Variants in GPC6 observed in about 807,000 individuals in gnomAD.
GPC6 encodes the protein glypican 6.
A neutral mutation model predicts 55.2 loss-of-function variants in GPC6; 14 were observed. The observed-to-expected ratio is 0.25, with a 90% CI of 0.17 to 0.40. GPC6 has a LOEUF of 0.40. Ranked by LOEUF, GPC6 falls within the 10% of genes least tolerant of loss-of-function variation. GPC6 has a pLI of 1.00. For missense variants in GPC6, 641 were observed against 708.5 expected, an observed-to-expected ratio of 0.90 and a Z score of 1.08; for synonymous variants, 278 against 259.6, an observed-to-expected ratio of 1.07 and a Z score of -0.68.
intron 3 of GPC6, among the ~76,000 whole-genome samples, chr13:93,968,746 G>A (rs984780198): frequency 6.6e-6 from 1 of 151,900 alleles, no homozygotes; most frequent in African/African-American, 2.4e-5. Context: ...TAATGAACTG[G>A]GATTATGGAA....
At chr13:94,081,632 A>G (rs1885097777) in intron 4 of GPC6, among the ~76,000 whole-genome samples, 1 of 152,170 alleles carries the variant, frequency 6.6e-6, no homozygotes, top group African/African-American at 2.4e-5. Context: ...ATGTAGGCAA[A>G]GTTGACATTG....
At chr13:93,281,988 A>AG (rs1189276418) in intron 1 of GPC6, among the ~76,000 whole-genome samples, 2 of 152,186 alleles carry the variant, frequency 1.3e-5, no homozygotes, top group East Asian at 3.9e-4. Flanking sequence ...TGAGGTGCGA[A>AG]GGACCAATTT....
chr13:94,237,418 A>G (rs1328168248), intron 4 of GPC6, among the ~76,000 whole-genome samples: 2 of 152,010 alleles, frequency 1.3e-5, no homozygotes, highest in African/African-American at 4.8e-5. Flanking sequence ...CCTGTGAAAA[A>G]CAGCAGATCT....
chr13:93,462,336 A>G (rs1300962675), intron 1 of GPC6, among the ~76,000 whole-genome samples: 1 of 152,144 alleles, frequency 6.6e-6, no homozygotes, highest in Non-Finnish European at 1.5e-5. Context: ...TTGCCCACCT[A>G]TCACACCAAA....
intron 1 of GPC6, among the ~76,000 whole-genome samples, chr13:93,481,139 G>A (rs7981060): frequency 0.79 from 120,828 of 152,114 alleles, 48,149 homozygotes; most frequent in East Asian, 0.99. Flanking sequence ...CGCAGTGGTC[G>A]TAAAGTGGTA....
chr13:94,185,099 A>G (rs1258020762), intron 4 of GPC6, among the ~76,000 whole-genome samples: 1 of 152,172 alleles, frequency 6.6e-6, no homozygotes, highest in Non-Finnish European at 1.5e-5. Context: ...TTGAGCACCC[A>G]TGGACATAAA....
intron 1 of GPC6, among the ~76,000 whole-genome samples, chr13:93,416,097 G>T (rs557715840): frequency 6.6e-6 from 1 of 152,132 alleles, no homozygotes; most frequent in South Asian, 2.1e-4. Flanking sequence ...TTTGGCTTAT[G>T]CAACTCTATT....
chr13:93,392,492 A>C (rs1875668917), intron 1 of GPC6, among the ~76,000 whole-genome samples: 1 of 152,170 alleles, frequency 6.6e-6, no homozygotes. Context: ...TAGCTAATAG[A>C]TCTCCTAATT....
chr13:93,889,512 G>GA (rs1414083226), intron 3 of GPC6, among the ~76,000 whole-genome samples: 1 of 152,030 alleles, frequency 6.6e-6, no homozygotes, highest in African/African-American at 2.4e-5. Flanking sequence ...ATCAAAGGAA[G>GA]AAAAAACCCT....
At chr13:93,289,484 C>T (rs1010350805) in intron 1 of GPC6, among the ~76,000 whole-genome samples, 27 of 151,826 alleles carry the variant, frequency 1.8e-4, no homozygotes, top group East Asian at 1.5e-3. Context: ...GGAAAAGTGT[C>T]GATCTCTTTT....
At chr13:94,266,517 T>TA (rs1201112006) in intron 4 of GPC6, among the ~76,000 whole-genome samples, 1 of 152,086 alleles carries the variant, frequency 6.6e-6, no homozygotes. Context: ...TAGTCCAACT[T>TA]ACACTCTTCC....
chr13:93,508,583 T>G (rs1408662427), intron 1 of GPC6, among the ~76,000 whole-genome samples: 1 of 152,224 alleles, frequency 6.6e-6, no homozygotes. Flanking sequence ...TGATTTTACT[T>G]ATGTATTAAC....
At chr13:94,148,938 C>T (rs1246152373) in intron 4 of GPC6, among the ~76,000 whole-genome samples, 1 of 148,816 alleles carries the variant, frequency 6.7e-6, no homozygotes, top group African/African-American at 2.4e-5. Context: ...GTGAGTGAAA[C>T]TTAGCATGAT....
At position 94,388,774 on chromosome 13, in the gene GPC6, TA is replaced by T. The variant is rs1880523166; in HGVS notation, c.1289+6226del. Among the ~76,000 whole-genome samples the T allele has an allele frequency of 2.0e-5, 3 of 152,280 alleles. No homozygotes were observed. The South Asian group carries it at 6.2e-4, about 32-fold the overall frequency. On this transcript the variant is annotated intron_variant, in intron 7 of 8. Coordinates refer to ENST00000377047, the MANE Select transcript of GPC6 (RefSeq NM_005708.5). ...AGAGAGTCCTGGTTCCTTTCTCTTA[TA>T]AGGGAGCTAGTATGAGAAATCATCT...
At chr13:93,564,862 C>G (rs1876009796) in intron 2 of GPC6, among the ~76,000 whole-genome samples, 1 of 152,002 alleles carries the variant, frequency 6.6e-6, no homozygotes, top group Non-Finnish European at 1.5e-5. Flanking sequence ...TTATTAATAC[C>G]CTAAGTCTAT....
intron 1 of GPC6, among the ~76,000 whole-genome samples, chr13:93,375,426 G>C (rs1874843295): frequency 6.6e-6 from 1 of 152,168 alleles, no homozygotes; most frequent in African/African-American, 2.4e-5. Context: ...AGACGGCGTG[G>C]AGTGGCTAAA....
At chr13:94,392,496 C>T (rs976802842) in intron 7 of GPC6, among the ~76,000 whole-genome samples, 28 of 142,138 alleles carry the variant, frequency 2.0e-4, no homozygotes, top group Admixed American at 5.3e-4. Context: ...TGGCCGTGAT[C>T]TCAGCTCACC....
intron 2 of GPC6, among the ~76,000 whole-genome samples, chr13:93,741,287 T>C (rs932173087): frequency 1.3e-5 from 2 of 151,876 alleles, no homozygotes; most frequent in Admixed American, 6.6e-5. Context: ...GCTAATATTT[T>C]TGTATTTTTA....
rs574120992 is a variant in GPC6, at chr13:93,371,463, A to C, written c.160+143847A>C. Among the ~76,000 whole-genome samples, 180 of 152,250 alleles carry C rather than the reference A, an allele frequency of 1.2e-3. 4 individuals carry two copies. The highest frequency in any genetic ancestry group is 2.3e-3 in the Admixed American group (35 of 15,262). ...ATCTCAAAGAATCTTGCAAGTTATA[A>C]AGTATAATCATAGAAAAAATGCATT... On this transcript the variant is annotated intron_variant, in intron 1 of 8. Transcript: ENST00000377047.
Sources: gnomAD v4.1 joint callset for allele counts (sites outside exome capture counted in the v4.1 genomes callset) on GRCh38, gnomAD v4.1.1 for gene constraint, MANE v1.5 for transcripts, NCBI Gene and HGNC (gene_info 2026-07-23, HGNC 2026-07-21) for gene names.